MLC1: variants seen among roughly 807,000 people sequenced by gnomAD.
MLC1 encodes membrane protein MLC1.
A neutral mutation model predicts 44.7 loss-of-function variants in MLC1; 32 were observed. The observed-to-expected ratio is 0.72, with a 90% CI of 0.54 to 0.96. MLC1 has a LOEUF of 0.96. Among genes scored for constraint, MLC1 ranks in the 40% least tolerant of loss-of-function variants. The probability of loss-of-function intolerance (pLI) is 0.00; values close to 1 mark genes in which losing one functional copy is unlikely to be tolerated. For synonymous variants in MLC1, 190 were observed against 213.0 expected, an observed-to-expected ratio of 0.89 and a Z score of 0.94; for missense variants, 459 against 492.2, an observed-to-expected ratio of 0.93 and a Z score of 0.64.
At chr22:50,081,044 A>AGAAAGAAAGAAAGAAG (rs2062123285) in intron 3 of MLC1, among the ~76,000 whole-genome samples, 2 of 149,016 alleles carry the variant, frequency 1.3e-5, no homozygotes, top group African/African-American at 5.1e-5. Flanking sequence ...AAAGAAAGAA[A>AGAAAGAAAGAAAGAAG]GAAAGAAAGA....
intron 5 of MLC1, among the ~76,000 whole-genome samples, chr22:50,078,899 C>T (rs2062047305): frequency 6.6e-6 from 1 of 152,130 alleles, no homozygotes; most frequent in African/African-American, 2.4e-5. Context: ...CAGGGCCAGC[C>T]GACAGCTACA....
At position 50,060,967 on chromosome 22, in the gene MLC1, G is replaced by T. The variant is rs2061549159; in HGVS notation, c.*616C>A. ...ACCTGGGAGAGCAGCGGCAGCCTGT[G>T]TCGCTTGCGCCCAGGCTCTGGAGGA... On this transcript the variant is annotated 3_prime_UTR_variant, in exon 12 of 12. Transcript: ENST00000311597. 1 of 158,586 alleles carries T rather than the reference G, an allele frequency of 6.3e-6. No individual in the cohort carries two copies. The highest frequency in any genetic ancestry group is 1.4e-5 in the Non-Finnish European group (1 of 71,408). The allele number at this position is 158,586 out of a possible 1,614,324, so 9.8% of individuals were successfully genotyped here.
intron 9 of MLC1, 48 bp from the exon 10 acceptor site, chr22:50,068,603 C>G: frequency 6.9e-6 from 11 of 1,603,874 alleles, no homozygotes; most frequent in Non-Finnish European, 9.4e-6. Context: ...GCCTGGGAGC[C>G]CAGGACAGCG....
At chr22:50,077,537 C>A in intron 5 of MLC1, 35 bp from the exon 6 acceptor site, 1 of 1,563,378 alleles carries the variant, frequency 6.4e-7, no homozygotes, top group South Asian at 1.1e-5. Flanking sequence ...GCACCGGGCC[C>A]GCCTTTCTCA....
At chr22:50,079,053 G>A (rs2062051477) in intron 5 of MLC1, among the ~76,000 whole-genome samples, 1 of 152,062 alleles carries the variant, frequency 6.6e-6, no homozygotes, top group Admixed American at 6.6e-5. Context: ...GGAGGCCGAG[G>A]TGGATGGATC....
intron 10 of MLC1, 62 bp from the exon 11 acceptor site, chr22:50,064,260 GCT>G: frequency 6.5e-7 from 1 of 1,538,418 alleles, no homozygotes; most frequent in Non-Finnish European, 8.7e-7. Flanking sequence ...GGAGACCAAA[GCT>G]CCCTCGTGCC....
At chr22:50,074,120 G>A in intron 8 of MLC1, 96 bp downstream of exon 8, 2 of 1,021,088 alleles carry the variant, frequency 2.0e-6, no homozygotes, top group South Asian at 1.4e-5. Context: ...GTGACTCTCT[G>A]TCTGAATGCA....
chr22:50,080,213 G>A (rs2062086033), intron 4 of MLC1, 131 bp downstream of exon 4: 2 of 1,249,736 alleles, frequency 1.6e-6, no homozygotes, highest in Non-Finnish European at 2.3e-6. Flanking sequence ...CTGTCTGGGG[G>A]GCAACCTCGG....
intron 5 of MLC1, 53 bp from the exon 6 acceptor site, chr22:50,077,555 G>A (rs575827248): frequency 9.3e-5 from 134 of 1,441,112 alleles, no homozygotes; most frequent in South Asian, 5.1e-4. Flanking sequence ...TCACGCCACC[G>A]CGCTTCAGCG....
Position 50,068,725 on chromosome 22 carries a change from C to CT in MLC1, c.772-171dup, listed in dbSNP as rs765426637. Among the ~76,000 whole-genome samples, 24,252 of 104,906 alleles carry CT rather than the reference C, an allele frequency of 0.23. 3,636 individuals carry two copies. The highest frequency in any genetic ancestry group is 0.32 in the Non-Finnish European group (17,103 of 53,270). 68.8% of individuals were successfully genotyped at this position (104,906 alleles called of 152,430 possible). On this transcript the variant is annotated intron_variant, in intron 9 of 11. Coordinates refer to ENST00000311597, the MANE Select transcript of MLC1 (RefSeq NM_015166.4). Reference sequence around the variant, plus strand: ...CCTCTGCCTTTTCTTTTTTCTTTTTCTTTTTTTTTTTTTTTTTTTTTGAGA... The same window carrying CT: ...CCTCTGCCTTTTCTTTTTTCTTTTTCTTTTTTTTTTTTTTTTTTTTTTGAGA...
rs1569240784 is a variant in MLC1 at position 50,062,288 on chromosome 22, T to TGAGCCCAAGCCGC, written c.1060-632_1060-631insGCGGCTTGGGCTC. Among the ~76,000 whole-genome samples, 119 of 103,708 alleles carry TGAGCCCAAGCCGC rather than the reference T, an allele frequency of 1.1e-3. 3 individuals carry two copies. The highest frequency in any genetic ancestry group is 3.0e-3 in the African/African-American group (89 of 29,488). 68.0% of individuals were successfully genotyped at this position (103,708 alleles called of 152,430 possible). A position where few individuals can be genotyped will look rare whatever the true frequency, so the allele number is the denominator to read the frequency against. On this transcript the variant is annotated intron_variant, in intron 11 of 11. Transcript: ENST00000311597. ...AGCCACCCACCTTGAGCCCCAGCCG[T>TGAGCCCAAGCCGC]CCATCCTGAGCCCCAGCCGCCCACC... is the stretch of plus-strand genomic sequence containing the variant.
At position 50,068,725 on chromosome 22, in the gene MLC1, C is replaced by CTTTTTT. The variant is rs765426637; in HGVS notation, c.772-176_772-171dup. Among the ~76,000 whole-genome samples, 206 of 105,226 alleles carry CTTTTTT rather than the reference C, an allele frequency of 2.0e-3. 1 individual carries two copies. Among genetic ancestry groups the CTTTTTT allele is most frequent in the Non-Finnish European group, 2.3e-3 (124 of 53,416 alleles). The allele number at this position is 105,226 out of a possible 152,430, so 69.0% of individuals were successfully genotyped here. A position where few individuals can be genotyped will look rare whatever the true frequency, so the allele number is the denominator to read the frequency against. ...CCTCTGCCTTTTCTTTTTTCTTTTT[C>CTTTTTT]TTTTTTTTTTTTTTTTTTTTTGAGA... On this transcript the variant is annotated intron_variant, in intron 9 of 11. Coordinates refer to ENST00000311597, the MANE Select transcript of MLC1 (RefSeq NM_015166.4).
At position 50,074,377 on chromosome 22, in the gene MLC1, C is replaced by A. The variant is rs760196849; in HGVS notation, c.598-45G>T. 4.7e-6 allele frequency: 7 copies of A among 1,475,318 alleles called. No individual in the cohort carries two copies. In the African/African-American group the frequency reaches 9.7e-5, roughly 21 times the overall value. 91.4% of individuals were successfully genotyped at this position (1,475,318 alleles called of 1,614,324 possible). Reference sequence around the variant, plus strand: ...ATCGGCTCATAAGGAAGTGGAGACACCCCCAGATTCCCAGAATGCACTGTG... The same window carrying A: ...ATCGGCTCATAAGGAAGTGGAGACAACCCCAGATTCCCAGAATGCACTGTG... On this transcript the variant is annotated intron_variant, in intron 7 of 11. Transcript: ENST00000311597.
intron 2 of MLC1, among the ~76,000 whole-genome samples, chr22:50,084,093 C>A (rs1310821881): frequency 2.0e-5 from 3 of 152,286 alleles, no homozygotes; most frequent in South Asian, 4.1e-4. Flanking sequence ...GCCCAAGCTA[C>A]ACGGAACCGG....
Position 50,077,403 on chromosome 22 carries a change from TC to T in MLC1, c.522del (p.Lys175ArgfsTer21). Reference sequence around the variant, plus strand: ...GCGGGGTCAGAAGCTGCACCCACCTTCTTTTTCTTGCAGTCCTCCTCGCTGG... The same window carrying T: ...GCGGGGTCAGAAGCTGCACCCACCTTTTTTTCTTGCAGTCCTCCTCGCTGG... The part of the protein sequence containing the change: ...ARSSEEDCKK[K>X]KGSMSDSANI... On this transcript the variant is annotated frameshift_variant, in exon 6 of 12. Coordinates refer to ENST00000311597, the MANE Select transcript of MLC1 (RefSeq NM_015166.4). LOFTEE classifies it high-confidence loss of function. 1 of 1,613,816 alleles carries T rather than the reference TC, an allele frequency of 6.2e-7. No homozygotes were observed. Among genetic ancestry groups the T allele is most frequent in the South Asian group, 1.1e-5 (1 of 91,052 alleles).
At position 50,083,160 on chromosome 22, in the gene MLC1, A is replaced by G; in HGVS notation, c.191T>C (p.Val64Ala). The change falls in exon 3 of 12, where the codon GTG becomes GCG. Residue 64 changes from valine to alanine, a missense_variant. By Grantham distance (64) the Val-to-Ala change is moderately conservative. Coordinates refer to ENST00000311597, the MANE Select transcript of MLC1 (RefSeq NM_015166.4). This position sits in a 1 kb window ranked among gnomAD's most constrained non-coding sequence, Gnocchi z 4.6. ...FSVLMGSCLL[V>A]TSGFSLYLGN... ...CAGGTACAGCGAAAACCCCGAGGTC[A>G]CCAGGAGGCAGCTCTGCAAGACAGC... The G allele has an allele frequency of 6.2e-7, 1 of 1,614,072 alleles. No homozygotes were observed. Among genetic ancestry groups the G allele is most frequent in the Non-Finnish European group, 8.5e-7 (1 of 1,179,988 alleles).
chr22:50,084,774 C>A lies in MLC1; in HGVS notation c.129G>T (p.Leu43=). ...KPSDLQLSKR[L]PPCFSHKTWV... Reference sequence around the variant, plus strand: ...ACGTCTTGTGGCTGAAGCAGGGGGGCAGTCTCTTCGACAGCTGCAGGTCGC... The same window carrying A: ...ACGTCTTGTGGCTGAAGCAGGGGGGAAGTCTCTTCGACAGCTGCAGGTCGC... Residue 43 remains leucine, a synonymous_variant, in exon 2 of 12, where the codon CTG becomes CTT. Coordinates refer to ENST00000311597, the MANE Select transcript of MLC1 (RefSeq NM_015166.4). 6.2e-7 allele frequency: 1 copy of A among 1,614,134 alleles called. No homozygotes were observed.
chr22:50,078,093 A>G (rs2062027947), intron 5 of MLC1, among the ~76,000 whole-genome samples: 3 of 151,454 alleles, frequency 2.0e-5, no homozygotes. Flanking sequence ...CTGGGTTCAA[A>G]TGATTGTCCT....
chr22:50,069,418 G>A (rs1433830948), intron 9 of MLC1, among the ~76,000 whole-genome samples: 1 of 152,114 alleles, frequency 6.6e-6, no homozygotes, highest in African/African-American at 2.4e-5. Flanking sequence ...GCCGAGGAGG[G>A]CGGATCACCT....
Sources: gnomAD v4.1 joint callset for allele counts (sites outside exome capture counted in the v4.1 genomes callset) on GRCh38, gnomAD v4.1.1 for gene constraint, Gnocchi (gnomAD v3.1) non-coding constraint, MANE v1.5 for transcripts, NCBI Gene and HGNC (gene_info 2026-07-23, HGNC 2026-07-21) for gene names.